NCAPH: variants seen among roughly 807,000 people sequenced by gnomAD.
The protein encoded by NCAPH is non-SMC condensin I complex subunit H.
NCAPH carries 38 observed loss-of-function variants against 85.5 expected under a neutral mutation model. The observed-to-expected ratio is 0.44, with a 90% CI of 0.34 to 0.58. The LOEUF is 0.58. Among genes scored for constraint, NCAPH ranks in the 20% least tolerant of loss-of-function variants. The pLI is 0.01. For synonymous variants in NCAPH, 301 were observed against 335.1 expected (o/e 0.90, Z 1.11); for missense variants, 789 against 916.6 (o/e 0.86, Z 1.80).
chr2:96,347,205 C>G (rs1253860166), intron 6 of NCAPH, among the ~76,000 whole-genome samples: 1 of 151,842 alleles, frequency 6.6e-6, no homozygotes, highest in Non-Finnish European at 1.5e-5. Context: ...AAAGCAGCCA[C>G]TGCAGAGGCC....
Position 96,376,624 on chromosome 2 carries a change from C to T in NCAPH, c.*3273C>T, listed in dbSNP as rs1284082991. Among the ~76,000 whole-genome samples, 2 of 152,168 alleles carry T rather than the reference C, an allele frequency of 1.3e-5. No homozygotes were observed. The highest frequency in any genetic ancestry group is 2.9e-5 in the Non-Finnish European group (2 of 68,034). On this transcript the variant is annotated 3_prime_UTR_variant, in exon 18 of 18. Coordinates refer to ENST00000240423, the MANE Select transcript of NCAPH (RefSeq NM_015341.5). Reference sequence around the variant, plus strand: ...TTGTTCCCCTTCTTAGCACAGGATACTGGGTCATTTCAACACCACAAGGAT... The same window carrying T: ...TTGTTCCCCTTCTTAGCACAGGATATTGGGTCATTTCAACACCACAAGGAT...
rs1440677876 is a variant in NCAPH at position 96,360,185 on chromosome 2, A to G, written c.1400A>G (p.Lys467Arg). ...TCAGAAAACAAAAAGAAGAGTACAA[A>G]AAAAGATTTTGAAATTGACTTTGAA... ...SQSENKKKST[K>R]KDFEIDFEDD... The change falls in exon 11 of 18, where the codon AAA (lysine) becomes AGA (arginine). Residue 467 changes from lysine to arginine, a missense_variant. Physicochemically the swap from Lys to Arg is conservative, Grantham distance 26 (BLOSUM62 2). Transcript: ENST00000240423. 1 of 1,593,822 alleles carries G rather than the reference A, an allele frequency of 6.3e-7. No homozygotes were observed. Among genetic ancestry groups the G allele is most frequent in the Non-Finnish European group, 8.6e-7 (1 of 1,163,490 alleles).
At chr2:96,343,504 C>A (rs1438547481) in intron 5 of NCAPH, among the ~76,000 whole-genome samples, 200 bp downstream of exon 5, 1 of 152,126 alleles carries the variant, frequency 6.6e-6, no homozygotes, top group Non-Finnish European at 1.5e-5. Flanking sequence ...AGAGAAGGGC[C>A]TTATAAAAGC....
intron 2 of NCAPH, 45 bp downstream of exon 2, chr2:96,341,939 T>A: frequency 1.2e-6 from 2 of 1,605,330 alleles, no homozygotes; most frequent in Non-Finnish European, 1.7e-6. Flanking sequence ...GCCGCCTTGA[T>A]ATGGGCTGCG....
intron 8 of NCAPH, among the ~76,000 whole-genome samples, chr2:96,353,603 C>A (rs1325955488): frequency 1.3e-5 from 2 of 152,156 alleles, no homozygotes; most frequent in Non-Finnish European, 2.9e-5. Flanking sequence ...TAAGTGAGTT[C>A]CAGGATCAGC....
At position 96,377,084 on chromosome 2, in the gene NCAPH, A is replaced by C. The variant is rs1466381444; in HGVS notation, c.*3733A>C. Among the ~76,000 whole-genome samples, 1 of 151,446 alleles carries C rather than the reference A, an allele frequency of 6.6e-6. No homozygotes were observed. The highest frequency in any genetic ancestry group is 1.5e-5 in the Non-Finnish European group (1 of 67,918). ...ATTTAAAAAATAATAAAATTTTAAA[A>C]AATTGTCTTTATGTTGCCTTTTTTT... is the stretch of plus-strand genomic sequence containing the variant. On this transcript the variant is annotated 3_prime_UTR_variant, in exon 18 of 18. Coordinates refer to ENST00000240423, the MANE Select transcript of NCAPH (RefSeq NM_015341.5).
intron 17 of NCAPH, among the ~76,000 whole-genome samples, chr2:96,370,738 T>A (rs1320241676): frequency 1.3e-5 from 2 of 152,222 alleles, no homozygotes; most frequent in Non-Finnish European, 2.9e-5. Context: ...GACCAAGTGC[T>A]GTATGTCTCC....
At chr2:96,341,192 CCT>C (rs1228763773) in intron 1 of NCAPH, among the ~76,000 whole-genome samples, 3 of 152,210 alleles carry the variant, frequency 2.0e-5, no homozygotes, top group East Asian at 1.9e-4. Context: ...TGTTGTTTTT[CCT>C]CTGTCTGTTT....
intron 6 of NCAPH, among the ~76,000 whole-genome samples, chr2:96,350,327 T>C (rs371407332): frequency 1.1e-4 from 16 of 152,322 alleles, no homozygotes; most frequent in African/African-American, 3.8e-4. Flanking sequence ...TCAGCTTTAA[T>C]GTGGGTCAGT....
rs1476238735 is a variant in NCAPH, at chr2:96,351,986, A to G, written c.876A>G (p.Pro292=). ...TLSTGEPLEL[P]ELGCVEMTDL... Reference sequence around the variant, plus strand: ...CCACGGGAGAACCTCTCGAGTTGCCAGAGTTAGGTTGTGTAGAAATGACAG... The same window carrying G: ...CCACGGGAGAACCTCTCGAGTTGCCGGAGTTAGGTTGTGTAGAAATGACAG... The change falls in exon 7 of 18, where the codon CCA becomes CCG. Residue 292 remains proline (P), a synonymous_variant. Coordinates refer to ENST00000240423, the MANE Select transcript of NCAPH (RefSeq NM_015341.5). The G allele has an allele frequency of 1.2e-6, 2 of 1,613,604 alleles. No individual in the cohort carries two copies. Among genetic ancestry groups the G allele is most frequent in the East Asian group, 2.2e-5 (1 of 44,888 alleles).
intron 15 of NCAPH, among the ~76,000 whole-genome samples, chr2:96,368,337 A>AGT (rs2104500199): frequency 6.6e-6 from 1 of 152,324 alleles, no homozygotes; most frequent in East Asian, 1.9e-4. Flanking sequence ...TGCCCTTAGC[A>AGT]GTGTAGTCCA....
chr2:96,341,731 C>A lies in NCAPH; in HGVS notation c.109C>A (p.Pro37Thr). The change falls in exon 2 of 18, where the codon CCC becomes ACC. Residue 37 changes from proline (P) to threonine (T), a missense_variant. Transcript: ENST00000240423. Reference sequence around the variant, plus strand: ...TCCTTCAGAGCGTGTGTTCCCGATGCCCCTGCCCAGGAAGGCGCCTCTCAA... The same window carrying A: ...TCCTTCAGAGCGTGTGTTCCCGATGACCCTGCCCAGGAAGGCGCCTCTCAA... ...SSPSERVFPMPLPRKAPLNIP... is the reference protein window; with the variant it reads ...SSPSERVFPMTLPRKAPLNIP... 6.2e-7 allele frequency: 1 copy of A among 1,614,208 alleles called. No individual in the cohort carries two copies. The highest frequency in any genetic ancestry group is 8.5e-7 in the Non-Finnish European group (1 of 1,180,042).
chr2:96,339,764 T>A (rs1428694590), intron 1 of NCAPH, among the ~76,000 whole-genome samples: 1 of 152,092 alleles, frequency 6.6e-6, no homozygotes, highest in Non-Finnish European at 1.5e-5. Flanking sequence ...AATCCAATGA[T>A]CAGTTCTCAG....
chr2:96,354,932 A>T lies in NCAPH; in HGVS notation c.1208+544A>T, dbSNP rs558594138. 2.0e-4 allele frequency among the ~76,000 whole-genome samples: 31 copies of T among 152,230 alleles called. No individual in the cohort carries two copies. The South Asian group carries it at 6.4e-3, about 32-fold the overall frequency. Reference sequence around the variant, plus strand: ...CAGAGAGCATGCTCCCTTTGTACACATTGCTTATAGTGTGGCTGTTGGTGA... The same window carrying T: ...CAGAGAGCATGCTCCCTTTGTACACTTTGCTTATAGTGTGGCTGTTGGTGA... On this transcript the variant is annotated intron_variant, in intron 9 of 17. Coordinates refer to ENST00000240423, the MANE Select transcript of NCAPH (RefSeq NM_015341.5).
At position 96,368,929 on chromosome 2, in the gene NCAPH, G is replaced by T. The variant is rs2064734859; in HGVS notation, c.1999-43G>T. The stretch of plus-strand genomic sequence containing the variant: ...TTATTTTTGTTGCCCTTTCAAAAGT[G>T]CACTAGCCCTAACTGTCCGATGTAT... On this transcript the variant is annotated intron_variant, in intron 15 of 17. Transcript: ENST00000240423. 5 of 1,530,818 alleles carry T rather than the reference G, an allele frequency of 3.3e-6. No homozygotes were observed. In the South Asian group the frequency reaches 3.6e-5, roughly 11 times the overall value. The allele number at this position is 1,530,818 out of a possible 1,614,324, so 94.8% of individuals were successfully genotyped here.
intron 2 of NCAPH, 29 bp downstream of exon 2, chr2:96,341,923 G>T: frequency 6.2e-7 from 1 of 1,605,118 alleles, no homozygotes; most frequent in South Asian, 1.1e-5. Flanking sequence ...GTTTCTCCTT[G>T]AGGCAGCCGC....
At chr2:96,342,562 C>T (rs1443240755) in intron 3 of NCAPH, among the ~76,000 whole-genome samples, 194 bp from the exon 4 acceptor site, 2 of 152,150 alleles carry the variant, frequency 1.3e-5, no homozygotes, top group African/African-American at 4.8e-5. Flanking sequence ...AATTTTGTGC[C>T]GTCATTCCCT....
chr2:96,343,066 C>A, intron 4 of NCAPH, 100 bp from the exon 5 acceptor site: 1 of 1,502,738 alleles, frequency 6.7e-7, no homozygotes, highest in Non-Finnish European at 9.0e-7. Flanking sequence ...TCATTGCTTC[C>A]TTGGGGCAAG....
rs542647359 is a variant in NCAPH, at chr2:96,367,097, AAAAC to A, written c.1882-140_1882-137del. ...GGTGACAAGAGTGAAACTCTGTCTC[AAAAC>A]AAACAAACAAACAAACAAAACAAGA... On this transcript the variant is annotated intron_variant, in intron 14 of 17. Transcript: ENST00000240423. 8.7e-3 allele frequency among the ~76,000 whole-genome samples: 1,319 copies of A among 152,208 alleles called. 10 individuals carry two copies. Among genetic ancestry groups the A allele is most frequent in the Middle Eastern group, 0.017 (5 of 294 alleles).
Sources: allele counts gnomAD v4.1 joint callset (sites outside exome capture counted in the v4.1 genomes callset), GRCh38; gene constraint gnomAD v4.1.1; transcripts MANE v1.5; gene names NCBI Gene and HGNC (gene_info 2026-07-23, HGNC 2026-07-21).